Variants in DGKB observed in about 807,000 individuals in gnomAD.
DGKB encodes 90 kDa diacylglycerol kinase.
DGKB carries 67 observed loss-of-function variants against 114.3 expected under a neutral mutation model. The ratio of observed to expected loss-of-function variants is 0.59; its 90% CI spans 0.48 to 0.72. DGKB has a LOEUF of 0.72. Ranked by LOEUF, DGKB falls within the 30% of genes least tolerant of loss-of-function variation. The pLI is 0.00. For missense variants in DGKB, 907 were observed against 975.2 expected, an observed-to-expected ratio of 0.93 and a Z score of 0.93; for synonymous variants, 398 against 323.1, an observed-to-expected ratio of 1.23 and a Z score of -2.49.
chr7:14,220,408 C>G (rs1011315254), intron 23 of DGKB, among the ~76,000 whole-genome samples: 3 of 151,406 alleles, frequency 2.0e-5, no homozygotes, highest in African/African-American at 7.3e-5. Flanking sequence ...TCTTGGCACT[C>G]TTATCTAAAA....
intron 1 of DGKB, among the ~76,000 whole-genome samples, chr7:14,964,978 G>A (rs932960956): frequency 6.6e-6 from 1 of 152,120 alleles, no homozygotes; most frequent in Admixed American, 6.6e-5. Flanking sequence ...GATATGGATT[G>A]ACTAGATCTG....
chr7:14,435,379 G>A (rs1344103264), intron 21 of DGKB, among the ~76,000 whole-genome samples: 1 of 151,996 alleles, frequency 6.6e-6, no homozygotes, highest in African/African-American at 2.4e-5. Flanking sequence ...AATCACACAG[G>A]CTCCAGTTCA....
chr7:14,647,369 G>A (rs1481224228), intron 13 of DGKB, among the ~76,000 whole-genome samples: 1 of 152,024 alleles, frequency 6.6e-6, no homozygotes, highest in East Asian at 1.9e-4. Flanking sequence ...CAAGGCCCAG[G>A]ACAGAGAGTT....
rs1447924858 is a variant in DGKB at position 14,542,639 on chromosome 7, G to A, written c.1770+31573C>T. Among the ~76,000 whole-genome samples the A allele has an allele frequency of 2.6e-5, 4 of 152,218 alleles. No homozygotes were observed. In the South Asian group the frequency reaches 6.2e-4, roughly 24 times the overall value. On this transcript the variant is annotated intron_variant, in intron 20 of 25. Transcript: ENST00000402815. ...AGGCAAAAGATTCAGACATTCAAAC[G>A]TTAAGTATAATATTTCTGCTTTCCA...
chr7:14,794,889 G>A (rs1227891931), intron 2 of DGKB, among the ~76,000 whole-genome samples: 1 of 152,094 alleles, frequency 6.6e-6, no homozygotes, highest in African/African-American at 2.4e-5. Flanking sequence ...TACCCACAGT[G>A]ACAGCAGTAT....
At chr7:14,914,986 G>A (rs1784170114) in intron 1 of DGKB, among the ~76,000 whole-genome samples, 1 of 152,036 alleles carries the variant, frequency 6.6e-6, no homozygotes, top group African/African-American at 2.4e-5. Context: ...AATATAAAGA[G>A]CAAAAATAAT....
At chr7:14,576,877 A>T (rs1299909161) in intron 19 of DGKB, among the ~76,000 whole-genome samples, 1 of 152,212 alleles carries the variant, frequency 6.6e-6, no homozygotes, top group Non-Finnish European at 1.5e-5. Context: ...GCCAAGCAAA[A>T]GTAGAAAGAG....
intron 23 of DGKB, among the ~76,000 whole-genome samples, chr7:14,275,530 G>A (rs1229649298): frequency 6.6e-6 from 1 of 152,050 alleles, no homozygotes; most frequent in Non-Finnish European, 1.5e-5. Flanking sequence ...GCACTTAATT[G>A]CAACATGTGG....
chr7:14,788,140 C>A (rs1383991653), intron 2 of DGKB, among the ~76,000 whole-genome samples: 1 of 152,314 alleles, frequency 6.6e-6, no homozygotes, highest in East Asian at 1.9e-4. Context: ...AACCTTCTTG[C>A]TATTGAAGGA....
At chr7:14,628,861 A>C (rs556135095) in intron 14 of DGKB, among the ~76,000 whole-genome samples, 75 of 152,254 alleles carry the variant, frequency 4.9e-4, no homozygotes, top group Non-Finnish European at 9.7e-4. Context: ...AATGTAAACC[A>C]ATATATAGTG....
At chr7:14,369,254 C>G (rs1479408462) in intron 21 of DGKB, among the ~76,000 whole-genome samples, 3 of 152,094 alleles carry the variant, frequency 2.0e-5, no homozygotes, top group Non-Finnish European at 4.4e-5. Flanking sequence ...ATAAACTCAT[C>G]CTTTTTCGTG....
At chr7:14,575,060 G>C (rs1798928687) in intron 19 of DGKB, among the ~76,000 whole-genome samples, 1 of 152,158 alleles carries the variant, frequency 6.6e-6, no homozygotes, top group Admixed American at 6.5e-5. Flanking sequence ...AGGAGTTCCA[G>C]GCTGCAGTGA....
chr7:14,426,943 C>T (rs1284021502), intron 21 of DGKB, among the ~76,000 whole-genome samples: 1 of 151,666 alleles, frequency 6.6e-6, no homozygotes, highest in Admixed American at 6.6e-5. Flanking sequence ...GCCTGTAATC[C>T]CAGCTACTTA....
intron 23 of DGKB, among the ~76,000 whole-genome samples, chr7:14,330,941 G>A (rs879344324): frequency 3.3e-5 from 5 of 151,672 alleles, no homozygotes; most frequent in Admixed American, 6.6e-5. Flanking sequence ...TTAGAAATAT[G>A]CCTTATATTC....
chr7:14,908,761 A>C (rs1478039794), intron 1 of DGKB, among the ~76,000 whole-genome samples: 1 of 152,154 alleles, frequency 6.6e-6, no homozygotes, highest in Non-Finnish European at 1.5e-5. Flanking sequence ...AGAGTGGAAA[A>C]ATTTGTAACA....
At chr7:14,788,493 T>C (rs1203646678) in intron 2 of DGKB, among the ~76,000 whole-genome samples, 1 of 152,112 alleles carries the variant, frequency 6.6e-6, no homozygotes. Flanking sequence ...CACAAACCAA[T>C]GAATCCAGTC....
intron 23 of DGKB, among the ~76,000 whole-genome samples, chr7:14,279,705 AC>A (rs1799621989): frequency 6.6e-6 from 1 of 151,606 alleles, no homozygotes; most frequent in African/African-American, 2.4e-5. Context: ...CTCACCCCTG[AC>A]CCCCGAGCAG....
intron 20 of DGKB, among the ~76,000 whole-genome samples, chr7:14,509,949 G>A (rs1267707444): frequency 1.3e-5 from 2 of 152,196 alleles, no homozygotes; most frequent in Non-Finnish European, 2.9e-5. Flanking sequence ...GCCGAGGCGG[G>A]CTGGTCATGA....
intron 25 of DGKB, among the ~76,000 whole-genome samples, chr7:14,163,093 C>T (rs1395731066): frequency 1.3e-5 from 2 of 151,948 alleles, no homozygotes; most frequent in East Asian, 3.8e-4. Context: ...TGTTACAGAT[C>T]CAGCAATGAA....
Sources: allele counts gnomAD v4.1 joint callset (sites outside exome capture counted in the v4.1 genomes callset), GRCh38; gene constraint gnomAD v4.1.1; transcripts MANE v1.5; gene names NCBI Gene and HGNC (gene_info 2026-07-23, HGNC 2026-07-21).